PACS1: variants seen among roughly 807,000 people sequenced by gnomAD.
PACS1 encodes PACS-1.
PACS1 carries 24 observed loss-of-function variants against 115.0 expected under a neutral mutation model. The observed-to-expected ratio is 0.21, with a 90% CI of 0.15 to 0.29. The LOEUF is 0.29. PACS1 is among the 10% of genes least tolerant of loss of function. The pLI, the probability that PACS1 is intolerant of heterozygous loss-of-function variation, is 1.00. For missense variants in PACS1, 838 were observed against 1,251.2 expected (o/e 0.67, Z 4.98); for synonymous variants, 453 against 504.5 (o/e 0.90, Z 1.37).
chr11:66,191,186 C>T (rs1167106677), intron 1 of PACS1, among the ~76,000 whole-genome samples: 3 of 152,054 alleles, frequency 2.0e-5, no homozygotes, highest in Admixed American at 6.6e-5. Flanking sequence ...CTCCTGACCC[C>T]CTCCCTCCAT....
At chr11:66,086,721 T>G (rs1857576462) in intron 1 of PACS1, among the ~76,000 whole-genome samples, 1 of 152,144 alleles carries the variant, frequency 6.6e-6, no homozygotes, top group African/African-American at 2.4e-5. Flanking sequence ...GCTCAAGTGA[T>G]TCTCGTGCCT....
intron 1 of PACS1, among the ~76,000 whole-genome samples, chr11:66,138,583 A>T (rs1291938376): frequency 6.6e-6 from 1 of 151,806 alleles, no homozygotes; most frequent in Non-Finnish European, 1.5e-5. Flanking sequence ...TGCTTGCCTC[A>T]CCCTAATCCC....
At chr11:66,083,034 T>C (rs965350149) in intron 1 of PACS1, among the ~76,000 whole-genome samples, 3 of 152,174 alleles carry the variant, frequency 2.0e-5, no homozygotes, top group African/African-American at 7.2e-5. Flanking sequence ...GTACTTTAAA[T>C]CACAGGCGAT....
In PACS1 at chr11:66,070,848, C is replaced by G. The variant is rs746321134; in HGVS notation, c.356+6C>G. The G allele has an allele frequency of 9.5e-6, 14 of 1,467,624 alleles. 1 individual carries two copies. The highest frequency in any genetic ancestry group is 5.0e-5 in the Admixed American group (2 of 39,694). The allele number at this position is 1,467,624 out of a possible 1,614,324, so 90.9% of individuals were successfully genotyped here. A position where few individuals can be genotyped will look rare whatever the true frequency, so the allele number is the denominator to read the frequency against. On this transcript the variant is annotated splice_donor_region_variant and intron_variant, in intron 1 of 23. Transcript: ENST00000320580. The surrounding 1 kb of genome is among the most constrained non-coding windows in gnomAD (Gnocchi z 5.9). ...TCGTCCAGCTGCGTGCCTAGGTGAGCGCGGGAGGGTGCGGCGGGGCGCCGG... is the reference window on the plus strand; with the variant it reads ...TCGTCCAGCTGCGTGCCTAGGTGAGGGCGGGAGGGTGCGGCGGGGCGCCGG...
intron 16 of PACS1, 25 bp from the exon 17 acceptor site, chr11:66,234,107 C>A: frequency 6.4e-7 from 1 of 1,570,560 alleles, no homozygotes; most frequent in Non-Finnish European, 8.8e-7. Flanking sequence ...GACGAATTCA[C>A]CACCTCTGGT....
chr11:66,232,125 C>T (rs1458451698), intron 13 of PACS1, 47 bp from the exon 14 acceptor site: 1 of 1,252,880 alleles, frequency 8.0e-7, no homozygotes, highest in Non-Finnish European at 1.2e-6. Flanking sequence ...TGTCCTCAGG[C>T]TCCCCAGGGA....
intron 11 of PACS1, among the ~76,000 whole-genome samples, chr11:66,229,211 C>CAAAAAAAAAAAAAAAA (rs386374029): frequency 1.6e-5 from 1 of 63,220 alleles, no homozygotes; most frequent in Non-Finnish European, 2.8e-5. Flanking sequence ...CCCGTCTCTA[C>CAAAAAAAAAAAAAAAA]AAAAAAAAAA....
At position 66,243,546 on chromosome 11, in the gene PACS1, G is replaced by T. The variant is rs1855860143; in HGVS notation, c.*266G>T. 1.4e-5 allele frequency: 7 copies of T among 506,112 alleles called. No homozygotes were observed. The allele number at this position is 506,112 out of a possible 1,614,324, so 31.4% of individuals were successfully genotyped here. ...CAAGGCGTGTTGGTTTTGCCTTCTG[G>T]TGCCCATAGTCCCCTGGACTGAGTC... On this transcript the variant is annotated 3_prime_UTR_variant, in exon 24 of 24. Coordinates refer to ENST00000320580, the MANE Select transcript of PACS1 (RefSeq NM_018026.4).
At chr11:66,128,453 G>A (rs1366913786) in intron 1 of PACS1, among the ~76,000 whole-genome samples, 2 of 152,240 alleles carry the variant, frequency 1.3e-5, no homozygotes, top group East Asian at 1.9e-4. Flanking sequence ...AGGCAAGGGA[G>A]TAGGTGGGAG....
Position 66,085,378 on chromosome 11 carries a change from A to G in PACS1, c.356+14536A>G, listed in dbSNP as rs559357674. Among the ~76,000 whole-genome samples the G allele has an allele frequency of 3.9e-5, 6 of 152,206 alleles. No homozygotes were observed. In the East Asian group the frequency reaches 1.2e-3, roughly 29 times the overall value. On this transcript the variant is annotated intron_variant, in intron 1 of 23. Coordinates refer to ENST00000320580, the MANE Select transcript of PACS1 (RefSeq NM_018026.4). ...TGGAGCCCTTTGCTCAAGATTGCCA[A>G]ACTGGATCTTACTGTTTTATAAAGG...
chr11:66,100,987 C>T (rs747662542), intron 1 of PACS1: 42 of 442,964 alleles, frequency 9.5e-5, no homozygotes, highest in Non-Finnish European at 1.6e-4. Flanking sequence ...ATTTCTACTG[C>T]ATTCTGCTGG....
chr11:66,134,713 C>T (rs959279802), intron 1 of PACS1, among the ~76,000 whole-genome samples: 3 of 151,890 alleles, frequency 2.0e-5, no homozygotes, highest in Admixed American at 6.6e-5. Context: ...TTGTTCTGAC[C>T]GATGGTGCCC....
At position 66,081,859 on chromosome 11, in the gene PACS1, A is replaced by AT. The variant is rs373101565; in HGVS notation, c.356+11026dup. 2.0e-3 allele frequency among the ~76,000 whole-genome samples: 311 copies of AT among 151,794 alleles called. 1 individual carries two copies. Among genetic ancestry groups the AT allele is most frequent in the African/African-American group, 6.8e-3 (281 of 41,388 alleles). The stretch of plus-strand genomic sequence containing the variant: ...GAAAATGAGGGTTTAAATGTAGTTA[A>AT]TTTTTTTTTCTCTTGTCTTTTTAAG... On this transcript the variant is annotated intron_variant, in intron 1 of 23. Transcript: ENST00000320580.
chr11:66,131,307 G>A (rs1469620994), intron 1 of PACS1, among the ~76,000 whole-genome samples: 1 of 152,110 alleles, frequency 6.6e-6, no homozygotes, highest in Non-Finnish European at 1.5e-5. Flanking sequence ...GGTTTCACAT[G>A]TTATTAATAT....
chr11:66,188,316 G>A (rs368083762), intron 1 of PACS1, among the ~76,000 whole-genome samples: 1 of 151,976 alleles, frequency 6.6e-6, no homozygotes, highest in Admixed American at 6.6e-5. Context: ...GAACGTTCTT[G>A]TACCTGTCTT....
intron 1 of PACS1, among the ~76,000 whole-genome samples, chr11:66,092,447 G>A (rs1472893618): frequency 2.0e-5 from 3 of 152,236 alleles, no homozygotes; most frequent in South Asian, 2.1e-4. Flanking sequence ...AGTAGGTTGC[G>A]AAAATTCTCT....
intron 1 of PACS1, among the ~76,000 whole-genome samples, chr11:66,156,472 T>C (rs527924964): frequency 9.2e-5 from 14 of 151,768 alleles, no homozygotes; most frequent in Admixed American, 8.5e-4. Flanking sequence ...CTTGAACTCC[T>C]GGCCTTAAGT....
chr11:66,231,895 T>G, intron 13 of PACS1: 1 of 339,640 alleles, frequency 2.9e-6, no homozygotes, highest in Non-Finnish European at 5.5e-6. Context: ...CCGCGAGGCT[T>G]GCTGCACCTC....
intron 1 of PACS1, among the ~76,000 whole-genome samples, chr11:66,162,944 G>A (rs955426903): frequency 7.2e-5 from 11 of 152,170 alleles, no homozygotes; most frequent in African/African-American, 2.7e-4. Flanking sequence ...TTTGAAGACT[G>A]AATATGGTTA....
Sources: gnomAD v4.1 joint callset for allele counts (sites outside exome capture counted in the v4.1 genomes callset) on GRCh38, gnomAD v4.1.1 for gene constraint, Gnocchi (gnomAD v3.1) non-coding constraint, MANE v1.5 for transcripts, NCBI Gene and HGNC (gene_info 2026-07-23, HGNC 2026-07-21) for gene names.